The following KIF13B variants were observed in gnomAD, a reference collection of about 807,000 sequenced individuals.
KIF13B encodes the protein kinesin family member 13B, also known as kinesin-like protein KIF13B.
Under a neutral mutation model 222.0 loss-of-function variants are expected in KIF13B, and 127 were observed. The ratio of observed to expected loss-of-function variants is 0.57; its 90% CI spans 0.50 to 0.66. KIF13B has a LOEUF of 0.66. KIF13B is among the 30% of genes least tolerant of loss of function. The pLI is 0.00. For synonymous variants in KIF13B, 976 were observed against 919.0 expected, an observed-to-expected ratio of 1.06 and a Z score of -1.12; for missense variants, 2,173 against 2,379.0, an observed-to-expected ratio of 0.91 and a Z score of 1.80.
chr8:29,247,216 C>A (rs566570068), intron 1 of KIF13B, among the ~76,000 whole-genome samples: 149 of 152,010 alleles, frequency 9.8e-4, no homozygotes, highest in African/African-American at 3.3e-3. Flanking sequence ...GAGACCCCCA[C>A]GTCTAAAAAA....
intron 6 of KIF13B, among the ~76,000 whole-genome samples, chr8:29,182,884 C>G (rs893682504): frequency 6.6e-6 from 1 of 151,634 alleles, no homozygotes; most frequent in Admixed American, 6.6e-5. Flanking sequence ...AATGTCTGCA[C>G]CACAAAAAAA....
Position 29,110,075 on chromosome 8 carries a change from G to C in KIF13B, c.3931-5C>G, listed in dbSNP as rs1809284178. ...TTCTTCCACTCCCTGGGCATCCTGA[G>C]CAGTGGAAAGTTATACATTATAAAA... On this transcript the variant is annotated splice_polypyrimidine_tract_variant and splice_region_variant and intron_variant, in intron 32 of 39. Transcript: ENST00000524189. 1.3e-6 allele frequency: 2 copies of C among 1,553,458 alleles called. No individual in the cohort carries two copies. The highest frequency in any genetic ancestry group is 1.7e-6 in the Non-Finnish European group (2 of 1,148,018).
chr8:29,229,088 T>TAAAAAAAAAAAAAAAAAAA (rs370080449), intron 2 of KIF13B, among the ~76,000 whole-genome samples: 2 of 94,692 alleles, frequency 2.1e-5, no homozygotes, highest in African/African-American at 4.0e-5. Context: ...ATGTCAGCTT[T>TAAAAAAAAAAAAAAAAAAA]AAAAAAAAAA....
chr8:29,209,294 C>T (rs182033138), intron 2 of KIF13B, among the ~76,000 whole-genome samples: 5 of 152,196 alleles, frequency 3.3e-5, no homozygotes, highest in African/African-American at 7.2e-5. Context: ...TCATGGAGGG[C>T]GAGAAGGCTC....
intron 36 of KIF13B, 100 bp from the exon 37 acceptor site, chr8:29,092,978 A>G (rs1309606447): frequency 4.5e-6 from 5 of 1,111,078 alleles, no homozygotes; most frequent in Non-Finnish European, 6.2e-6. Flanking sequence ...AAATCTAACA[A>G]AAACCAAAGG....
At chr8:29,146,327 G>A in intron 18 of KIF13B, 51 bp downstream of exon 18, 1 of 1,569,636 alleles carries the variant, frequency 6.4e-7, no homozygotes, top group Non-Finnish European at 8.8e-7. Flanking sequence ...GAAATATCAG[G>A]CGATCTTATC....
chr8:29,227,903 A>G (rs1422015915), intron 2 of KIF13B, among the ~76,000 whole-genome samples: 1 of 152,108 alleles, frequency 6.6e-6, no homozygotes, highest in Non-Finnish European at 1.5e-5. Context: ...ATGAGCCATG[A>G]TAGTGCCACT....
chr8:29,122,108 G>A lies in KIF13B; in HGVS notation c.3535+483C>T, dbSNP rs560016836. On this transcript the variant is annotated intron_variant, in intron 29 of 39. Transcript: ENST00000524189. The stretch of plus-strand genomic sequence containing the variant: ...TCTCTACTAAAAATACAAAAAATTA[G>A]CCGGGCGTGGTGGCACAAGCCTGTA... 2.6e-5 allele frequency among the ~76,000 whole-genome samples: 4 copies of A among 152,158 alleles called. No individual in the cohort carries two copies. In the South Asian group the frequency reaches 6.2e-4, roughly 24 times the overall value.
chr8:29,126,482 C>T lies in KIF13B; in HGVS notation c.3252G>A (p.Gln1084=), dbSNP rs1427303649. Residue 1084 remains glutamine, a splice_region_variant and synonymous_variant, in exon 26 of 40, where the codon CAG becomes CAA. Coordinates refer to ENST00000524189, the MANE Select transcript of KIF13B (RefSeq NM_015254.4). ...ATGAGATTAACAGGTGCTAAATTAC[C>T]TGGTAGCTGTCCATGTCTTCCTCTT... ...HEEEEDMDSY[Q]DRDLERLRRK... The T allele has an allele frequency of 1.1e-5, 17 of 1,536,358 alleles. No individual in the cohort carries two copies. Among genetic ancestry groups the T allele is most frequent in the African/African-American group, 1.4e-5 (1 of 73,866 alleles).
intron 18 of KIF13B, among the ~76,000 whole-genome samples, chr8:29,143,042 C>T (rs1252706333): frequency 6.6e-6 from 1 of 152,014 alleles, no homozygotes; most frequent in Non-Finnish European, 1.5e-5. Flanking sequence ...TGCATAGAGA[C>T]AGGGTCTTGC....
intron 18 of KIF13B, 108 bp downstream of exon 18, chr8:29,146,270 G>C: frequency 4.5e-6 from 5 of 1,104,552 alleles, no homozygotes; most frequent in Non-Finnish European, 6.9e-6. Context: ...AAAGGATCTG[G>C]ACTTGGGGCA....
chr8:29,197,355 A>AC (rs1813483902), intron 2 of KIF13B, among the ~76,000 whole-genome samples: 1 of 149,944 alleles, frequency 6.7e-6, no homozygotes, highest in East Asian at 1.9e-4. Flanking sequence ...AAAAAAAAAA[A>AC]AAAAAACTCA....
chr8:29,163,442 G>GT (rs1401532254), intron 12 of KIF13B, among the ~76,000 whole-genome samples: 1 of 152,208 alleles, frequency 6.6e-6, no homozygotes, highest in Non-Finnish European at 1.5e-5. Context: ...CCAGAATGAC[G>GT]TGAGAAGTCC....
intron 37 of KIF13B, among the ~76,000 whole-genome samples, chr8:29,075,592 C>G (rs1476443453): frequency 6.6e-6 from 1 of 152,258 alleles, no homozygotes; most frequent in Non-Finnish European, 1.5e-5. Context: ...ACGACGCTCT[C>G]TCCCTCCCTC....
Position 29,146,393 on chromosome 8 carries a change from C to T in KIF13B, c.2172G>A (p.Leu724=), listed in dbSNP as rs567300446. The part of the protein sequence containing the change: ...KVTLQIPASS[L]DANRKRGSLL... ...GCAACCTCACCTTCCTGTTGGCATC[C>T]AGGCTGGAGGCTGGAATCTGTAGGG... is the stretch of plus-strand genomic sequence containing the variant. The change falls in exon 18 of 40, where the codon CTG becomes CTA. Residue 724 remains leucine (L), a synonymous_variant. Transcript: ENST00000524189. 7.7e-5 allele frequency: 125 copies of T among 1,613,938 alleles called. No individual in the cohort carries two copies. In the South Asian group the frequency reaches 1.3e-3, roughly 17 times the overall value.
chr8:29,121,250 C>G (rs1809847886), intron 29 of KIF13B, among the ~76,000 whole-genome samples: 1 of 65,242 alleles, frequency 1.5e-5, no homozygotes, highest in African/African-American at 6.5e-5. Flanking sequence ...ATTGCCAAGT[C>G]AATCCTAAGC....
chr8:29,200,561 C>T (rs74724399), intron 2 of KIF13B, among the ~76,000 whole-genome samples: 4,973 of 152,254 alleles, frequency 0.033, 274 homozygotes, highest in African/African-American at 0.11. Flanking sequence ...CAAATGTTAA[C>T]CACCAAATAT....
At chr8:29,260,883 G>A (rs773136814) in intron 1 of KIF13B, among the ~76,000 whole-genome samples, 3 of 152,192 alleles carry the variant, frequency 2.0e-5, no homozygotes, top group Admixed American at 2.0e-4. Context: ...CTCCCAAAGT[G>A]CTGGGATTAT....
intron 36 of KIF13B, 36 bp downstream of exon 36, chr8:29,099,097 T>G (rs750068747): frequency 2.0e-6 from 3 of 1,468,460 alleles, no homozygotes; most frequent in Non-Finnish European, 2.9e-6. Flanking sequence ...ATGCTCAGAT[T>G]TCTGACAGTA....
Sources: allele counts gnomAD v4.1 joint callset (sites outside exome capture counted in the v4.1 genomes callset), GRCh38; gene constraint gnomAD v4.1.1; transcripts MANE v1.5; gene names NCBI Gene and HGNC (gene_info 2026-07-23, HGNC 2026-07-21).